Variants in AK2 observed in about 807,000 individuals in gnomAD.
The protein encoded by AK2 is adenylate kinase 2, also known as adenylate kinase 2, mitochondrial.
A neutral mutation model predicts 24.6 loss-of-function variants in AK2; 15 were observed. The ratio of observed to expected loss-of-function variants is 0.61; its 90% CI spans 0.41 to 0.94. AK2 has a LOEUF of 0.94. Among genes scored for constraint, AK2 ranks in the 40% least tolerant of loss-of-function variants. The pLI is 0.00. For missense variants in AK2, 257 were observed against 304.1 expected (o/e 0.85, Z 1.15); for synonymous variants, 102 against 114.0 (o/e 0.90, Z 0.67).
At chr1:33,020,160 T>C in intron 4 of AK2, 1 of 1,531,814 alleles carries the variant, frequency 6.5e-7, no homozygotes, top group Non-Finnish European at 8.7e-7. Flanking sequence ...CTGTGTTCAA[T>C]GCTATTACAG....
rs745977575 is a variant in AK2 at position 33,013,004 on chromosome 1, C to T, written c.*177G>A. ...TGCATGCACACACACACACACACAA[C>T]ACACATACACACAGATGAGAGTAGC... On this transcript the variant is annotated 3_prime_UTR_variant, in exon 6 of 6. Coordinates refer to ENST00000672715, the MANE Select transcript of AK2 (RefSeq NM_001625.4). 3 of 1,592,012 alleles carry T rather than the reference C, an allele frequency of 1.9e-6. No individual in the cohort carries two copies. The highest frequency in any genetic ancestry group is 2.6e-6 in the Non-Finnish European group (3 of 1,175,460).
rs139020013 is a variant in AK2, at chr1:33,011,182, C to A, written c.*1999G>T. 7.6e-7 allele frequency: 1 copy of A among 1,314,490 alleles called. No individual in the cohort carries two copies. The highest frequency in any genetic ancestry group is 4.0e-5 in the East Asian group (1 of 25,016). 81.4% of individuals were successfully genotyped at this position (1,314,490 alleles called of 1,614,324 possible). Reference sequence around the variant, plus strand: ...CATAAAATTAGCAAACATTCAAGAACCTCAACTTTGAGGCCAAGTGCTTAC... The same window carrying A: ...CATAAAATTAGCAAACATTCAAGAAACTCAACTTTGAGGCCAAGTGCTTAC... On this transcript the variant is annotated 3_prime_UTR_variant, in exon 6 of 6. Coordinates refer to ENST00000672715, the MANE Select transcript of AK2 (RefSeq NM_001625.4).
intron 1 of AK2, chr1:33,031,322 T>C (rs1640221524): frequency 4.7e-6 from 1 of 212,992 alleles, no homozygotes; most frequent in Non-Finnish European, 9.9e-6. Flanking sequence ...GTTCAAATCC[T>C]ACCTTTGCTA....
intron 4 of AK2, chr1:33,019,590 C>A: frequency 1.0e-6 from 1 of 982,294 alleles, no homozygotes. Context: ...GTAGAGTCCA[C>A]TGTATTTCAT....
At chr1:33,031,315 C>T (rs1640221100) in intron 1 of AK2, 2 of 206,556 alleles carry the variant, frequency 9.7e-6, no homozygotes, top group Non-Finnish European at 2.0e-5. Context: ...GACATGAGTT[C>T]AAATCCTACC....
chr1:33,016,996 C>T (rs193114584), intron 4 of AK2, among the ~76,000 whole-genome samples: 38 of 151,568 alleles, frequency 2.5e-4, no homozygotes, highest in East Asian at 5.9e-4. Context: ...TGAGCCACCG[C>T]GCCCGGTCTA....
intron 1 of AK2, chr1:33,031,663 T>A: frequency 2.2e-6 from 1 of 456,004 alleles, no homozygotes; most frequent in South Asian, 1.5e-5. Flanking sequence ...TTTCTCCAAC[T>A]GTAAAAGGGG....
chr1:33,022,350 AC>A (rs1490599502), intron 2 of AK2, among the ~76,000 whole-genome samples: 1 of 127,402 alleles, frequency 7.8e-6, no homozygotes, highest in East Asian at 2.3e-4. Context: ...CTCTTCCCTC[AC>A]TTTTTTTTTT....
chr1:33,009,675 C>T lies in AK2; in HGVS notation c.*3506G>A, dbSNP rs1266080335. 1 of 454,070 alleles carries T rather than the reference C, an allele frequency of 2.2e-6. No homozygotes were observed. The highest frequency in any genetic ancestry group is 4.4e-6 in the Non-Finnish European group (1 of 226,778). The allele number at this position is 454,070 out of a possible 1,614,324, so 28.1% of individuals were successfully genotyped here. ...TAACTGGCTGGGATTTGTCCTAGGT[C>T]CCCTGAACTCCAAGCACAGTGCTAT... is the stretch of plus-strand genomic sequence containing the variant. On this transcript the variant is annotated 3_prime_UTR_variant, in exon 6 of 6. Transcript: ENST00000672715.
At chr1:33,033,022 G>C (rs1640339195) in intron 1 of AK2, among the ~76,000 whole-genome samples, 1 of 152,064 alleles carries the variant, frequency 6.6e-6, no homozygotes, top group Non-Finnish European at 1.5e-5. Context: ...AATTAGCCGG[G>C]TGTGGTGGCA....
At position 33,036,877 on chromosome 1, in the gene AK2, A is replaced by C. The variant is rs573627501; in HGVS notation, c.-49T>G. On this transcript the variant is annotated 5_prime_UTR_variant, in exon 1 of 6. Coordinates refer to ENST00000672715, the MANE Select transcript of AK2 (RefSeq NM_001625.4). Reference sequence around the variant, plus strand: ...ACCAGTTCGCACGCCTCACAGGTCCAGTGCTTCCCAGGTCAACGCACGCAC... The same window carrying C: ...ACCAGTTCGCACGCCTCACAGGTCCCGTGCTTCCCAGGTCAACGCACGCAC... 5.4e-4 allele frequency: 796 copies of C among 1,470,210 alleles called. 13 individuals carry two copies. In the Admixed American group the frequency reaches 0.015, roughly 27 times the overall value. 91.1% of individuals were successfully genotyped at this position (1,470,210 alleles called of 1,614,324 possible).
intron 4 of AK2, among the ~76,000 whole-genome samples, chr1:33,020,491 T>G (rs1639469879): frequency 6.6e-6 from 1 of 152,158 alleles, no homozygotes; most frequent in African/African-American, 2.4e-5. Flanking sequence ...ATCAACCCCC[T>G]TCTACATATA....
In AK2 at chr1:33,013,001, C is replaced by A. The variant is rs114140319; in HGVS notation, c.*180G>T. On this transcript the variant is annotated 3_prime_UTR_variant, in exon 6 of 6. Coordinates refer to ENST00000672715, the MANE Select transcript of AK2 (RefSeq NM_001625.4). ...ATGTGCATGCACACACACACACACA[C>A]AACACACATACACACAGATGAGAGT... 0.013 allele frequency: 20,538 copies of A among 1,590,300 alleles called. 159 individuals carry two copies. The highest frequency in any genetic ancestry group is 0.015 in the Non-Finnish European group (17,205 of 1,174,668).
intron 4 of AK2, among the ~76,000 whole-genome samples, chr1:33,017,660 A>G (rs2124306105): frequency 6.6e-6 from 1 of 152,374 alleles, no homozygotes; most frequent in East Asian, 1.9e-4. Context: ...ATTGCTCTCA[A>G]GTACCAACCA....
rs774270134 is a variant in AK2, at chr1:33,011,291, T to C, written c.*1890A>G. 5 of 1,291,494 alleles carry C rather than the reference T, an allele frequency of 3.9e-6. No homozygotes were observed. The highest frequency in any genetic ancestry group is 5.5e-5 in the East Asian group (1 of 18,196). The allele number at this position is 1,291,494 out of a possible 1,614,324, so 80.0% of individuals were successfully genotyped here. ...AGAAGGATCCCAGACCAGGCACACA[T>C]AGCTGACAGTTTTTGTTTCACTCCT... On this transcript the variant is annotated 3_prime_UTR_variant, in exon 6 of 6. Transcript: ENST00000672715.
At position 33,027,747 on chromosome 1, in the gene AK2, CAA is replaced by C. The variant is rs1157782051; in HGVS notation, c.94-3182_94-3181del. On this transcript the variant is annotated intron_variant, in intron 1 of 5. Coordinates refer to ENST00000672715, the MANE Select transcript of AK2 (RefSeq NM_001625.4). ...GGGTGACAGAGCAAGACTCTTGTCTCAAAAAAAAAAAAAAAAAGAAAAAGAAA... is the reference window on the plus strand; with the variant it reads ...GGGTGACAGAGCAAGACTCTTGTCTCAAAAAAAAAAAAAAAGAAAAAGAAA... 6.3e-4 allele frequency among the ~76,000 whole-genome samples: 39 copies of C among 62,050 alleles called. 1 individual carries two copies. Among genetic ancestry groups the C allele is most frequent in the East Asian group, 4.0e-3 (11 of 2,740 alleles). 40.7% of individuals were successfully genotyped at this position (62,050 alleles called of 152,430 possible).
intron 1 of AK2, chr1:33,031,461 T>C: frequency 2.6e-6 from 1 of 382,118 alleles, no homozygotes; most frequent in South Asian, 1.9e-5. Context: ...AGCTTGGGGG[T>C]CTGTCACGTA....
At chr1:33,027,094 G>C (rs1407551756) in intron 1 of AK2, among the ~76,000 whole-genome samples, 3 of 152,138 alleles carry the variant, frequency 2.0e-5, no homozygotes, top group Non-Finnish European at 4.4e-5. Context: ...CCCGGGCGAA[G>C]AAGCAAGACT....
rs185104651 is a variant in AK2 at position 33,027,609 on chromosome 1, G to A, written c.94-3042C>T. Among the ~76,000 whole-genome samples, 10 of 152,092 alleles carry A rather than the reference G, an allele frequency of 6.6e-5. No individual in the cohort carries two copies. The East Asian group carries it at 7.8e-4, about 12-fold the overall frequency. ...CTAAAAATACAAAAATTAGCCAGGCGTGGTGGTGGGTGCTTGTAATCCCAG... is the reference window on the plus strand; with the variant it reads ...CTAAAAATACAAAAATTAGCCAGGCATGGTGGTGGGTGCTTGTAATCCCAG... On this transcript the variant is annotated intron_variant, in intron 1 of 5. Transcript: ENST00000672715.
Sources: allele counts gnomAD v4.1 joint callset (sites outside exome capture counted in the v4.1 genomes callset), GRCh38; gene constraint gnomAD v4.1.1; transcripts MANE v1.5; gene names NCBI Gene and HGNC (gene_info 2026-07-23, HGNC 2026-07-21).